PAK5: variants seen among roughly 807,000 people sequenced by gnomAD.
The protein encoded by PAK5 is serine/threonine-protein kinase PAK 5.
PAK5 carries 16 observed loss-of-function variants against 65.9 expected under a neutral mutation model. The observed-to-expected ratio is 0.24, with a 90% CI of 0.16 to 0.37. PAK5 has a LOEUF of 0.37. Among genes scored for constraint, PAK5 ranks in the 10% least tolerant of loss-of-function variants. The pLI is 1.00. For synonymous variants in PAK5, 371 were observed against 354.9 expected (o/e 1.05, Z -0.51); for missense variants, 785 against 903.9 (o/e 0.87, Z 1.69).
chr20:9,643,718 GA>G (rs2047097648), intron 3 of PAK5, among the ~76,000 whole-genome samples: 1 of 152,034 alleles, frequency 6.6e-6, no homozygotes, highest in Admixed American at 6.6e-5. Flanking sequence ...AATTTTATAT[GA>G]AAGAAAAGTT....
intron 3 of PAK5, among the ~76,000 whole-genome samples, chr20:9,609,261 A>T (rs888692974): frequency 6.6e-6 from 1 of 152,236 alleles, no homozygotes; most frequent in Non-Finnish European, 1.5e-5. Flanking sequence ...GCTTTCAGGT[A>T]GAGTCACAGC....
intron 3 of PAK5, among the ~76,000 whole-genome samples, chr20:9,631,307 C>T (rs932175636): frequency 6.6e-6 from 1 of 152,240 alleles, no homozygotes; most frequent in African/African-American, 2.4e-5. Context: ...CCTTCTGTGT[C>T]GTTACATGTC....
At chr20:9,542,051 A>G (rs959670071) in intron 9 of PAK5, among the ~76,000 whole-genome samples, 2 of 152,208 alleles carry the variant, frequency 1.3e-5, no homozygotes, top group Admixed American at 1.3e-4. Context: ...ATAGTAGTGT[A>G]AAAACAGACT....
At chr20:9,725,100 T>C (rs566373607) in intron 1 of PAK5, among the ~76,000 whole-genome samples, 30 of 151,978 alleles carry the variant, frequency 2.0e-4, no homozygotes, top group African/African-American at 7.2e-4. Flanking sequence ...CAAACAAACA[T>C]GCAGGATGAG....
chr20:9,710,082 T>C (rs1017675350), intron 2 of PAK5, among the ~76,000 whole-genome samples: 3 of 152,188 alleles, frequency 2.0e-5, no homozygotes, highest in African/African-American at 4.8e-5. Context: ...ATAAAAGTTT[T>C]AGTGTTGAAG....
Position 9,653,630 on chromosome 20 carries a change from T to A in PAK5, c.-11-9291A>T, listed in dbSNP as rs543055461. Among the ~76,000 whole-genome samples, 8 of 152,322 alleles carry A rather than the reference T, an allele frequency of 5.3e-5. No homozygotes were observed. In the South Asian group the frequency reaches 8.3e-4, roughly 16 times the overall value. On this transcript the variant is annotated intron_variant, in intron 2 of 9. Transcript: ENST00000353224. ...CATCATCAATTCCTATCCATTCTGC[T>A]CCCCAGATGTCTACTACATCTATAC...
At chr20:9,643,664 G>GTA (rs1199295051) in intron 3 of PAK5, among the ~76,000 whole-genome samples, 2 of 151,984 alleles carry the variant, frequency 1.3e-5, no homozygotes, top group Non-Finnish European at 2.9e-5. Context: ...ATATGCATAT[G>GTA]TATATATATT....
chr20:9,731,392 A>C (rs755462633), intron 1 of PAK5, among the ~76,000 whole-genome samples: 1 of 152,172 alleles, frequency 6.6e-6, no homozygotes, highest in African/African-American at 2.4e-5. Context: ...CATTTTTTTC[A>C]TAATAGGTCT....
At chr20:9,722,842 T>C (rs934110488) in intron 1 of PAK5, among the ~76,000 whole-genome samples, 1 of 151,618 alleles carries the variant, frequency 6.6e-6, no homozygotes, top group African/African-American at 2.4e-5. Flanking sequence ...GCCCAACTGA[T>C]TCTCTTGCCA....
rs73246985 is a variant in PAK5 at position 9,837,009 on chromosome 20, T to C, written c.-162+1753A>G. Among the ~76,000 whole-genome samples the C allele has an allele frequency of 1.7e-3, 260 of 152,348 alleles. 1 individual carries two copies. The highest frequency in any genetic ancestry group is 6.2e-3 in the African/African-American group (256 of 41,582). On this transcript the variant is annotated intron_variant, in intron 1 of 9. Transcript: ENST00000353224. ...AGGTCCTGACAGAGTGGAGAGGCACTGCCAGACTAGATTTTCAATGCTTAG... is the reference window on the plus strand; with the variant it reads ...AGGTCCTGACAGAGTGGAGAGGCACCGCCAGACTAGATTTTCAATGCTTAG...
At chr20:9,695,585 A>G (rs1488465759) in intron 2 of PAK5, among the ~76,000 whole-genome samples, 2 of 152,014 alleles carry the variant, frequency 1.3e-5, no homozygotes, top group Non-Finnish European at 2.9e-5. Context: ...ATTTCTTAAC[A>G]CTTCCAAGGA....
intron 7 of PAK5, among the ~76,000 whole-genome samples, chr20:9,545,176 C>A (rs2045325131): frequency 6.6e-6 from 1 of 152,020 alleles, no homozygotes; most frequent in African/African-American, 2.4e-5. Context: ...GGTGGTCATC[C>A]TAAGGGCTCA....
intron 1 of PAK5, among the ~76,000 whole-genome samples, chr20:9,757,876 T>C (rs1458180734): frequency 1.3e-5 from 2 of 152,182 alleles, no homozygotes; most frequent in African/African-American, 4.8e-5. Flanking sequence ...CACTCTTTAT[T>C]ATCTCACACC....
intron 2 of PAK5, among the ~76,000 whole-genome samples, chr20:9,660,206 A>T (rs753690037): frequency 1.8e-4 from 28 of 152,060 alleles, no homozygotes; most frequent in Non-Finnish European, 2.6e-4. Context: ...CAGGGCACTA[A>T]AGGCTTTCAG....
chr20:9,537,611 A>G lies in PAK5; in HGVS notation c.*1851T>C. 1 of 215,068 alleles carries G rather than the reference A, an allele frequency of 4.6e-6. No individual in the cohort carries two copies. The allele number at this position is 215,068 out of a possible 1,614,324, so 13.3% of individuals were successfully genotyped here. A position where few individuals can be genotyped will look rare whatever the true frequency, so the allele number is the denominator to read the frequency against. On this transcript the variant is annotated 3_prime_UTR_variant, in exon 10 of 10. Transcript: ENST00000353224. ...TAGTTTTTAATGTTTATTCTGGTTTAAAAAAGATTTTCTTTTTCTTTTCTT... is the reference window on the plus strand; with the variant it reads ...TAGTTTTTAATGTTTATTCTGGTTTGAAAAAGATTTTCTTTTTCTTTTCTT...
intron 2 of PAK5, among the ~76,000 whole-genome samples, chr20:9,701,927 G>A (rs1212846155): frequency 6.6e-6 from 1 of 152,016 alleles, no homozygotes; most frequent in Non-Finnish European, 1.5e-5. Flanking sequence ...TTGAGCCCAG[G>A]AGCTTGAAGC....
chr20:9,617,132 C>T (rs1213961612), intron 3 of PAK5, among the ~76,000 whole-genome samples: 1 of 152,164 alleles, frequency 6.6e-6, no homozygotes, highest in African/African-American at 2.4e-5. Flanking sequence ...ACATAATCGG[C>T]TTCACTAATT....
intron 1 of PAK5, among the ~76,000 whole-genome samples, chr20:9,770,787 G>T (rs538769079): frequency 1.3e-5 from 2 of 152,292 alleles, no homozygotes; most frequent in East Asian, 3.9e-4. Context: ...TTGAAGAATC[G>T]TTGGAGTTGA....
At chr20:9,698,469 C>A (rs906212271) in intron 2 of PAK5, among the ~76,000 whole-genome samples, 1 of 152,118 alleles carries the variant, frequency 6.6e-6, no homozygotes. Context: ...ATACTTATAT[C>A]CATTTCCCAA....
Sources: gnomAD v4.1 joint callset for allele counts (sites outside exome capture counted in the v4.1 genomes callset) on GRCh38, gnomAD v4.1.1 for gene constraint, MANE v1.5 for transcripts, NCBI Gene and HGNC (gene_info 2026-07-23, HGNC 2026-07-21) for gene names.